The following CHRM3 variants were observed in gnomAD, a reference collection of about 807,000 sequenced individuals.
CHRM3 encodes the protein muscarinic acetylcholine receptor M3.
In CHRM3, 11 loss-of-function variants were observed where a neutral mutation model predicts 41.8. The observed-to-expected ratio is 0.26, with a 90% CI of 0.17 to 0.44. The LOEUF (loss-of-function observed/expected upper bound fraction) is 0.44, where lower values mean the gene tolerates loss of function less well. Among genes scored for constraint, CHRM3 ranks in the 20% least tolerant of loss-of-function variants. The pLI is 1.00. For synonymous variants in CHRM3, 297 were observed against 301.4 expected, an observed-to-expected ratio of 0.99 and a Z score of 0.15; for missense variants, 571 against 745.4, an observed-to-expected ratio of 0.77 and a Z score of 2.72.
At chr1:239,627,653 T>C (rs1055275817) in intron 3 of CHRM3, among the ~76,000 whole-genome samples, 2 of 145,152 alleles carry the variant, frequency 1.4e-5, no homozygotes, top group Non-Finnish European at 3.0e-5. Flanking sequence ...GTTGTTCCTT[T>C]CCATGTTTAG....
intron 5 of CHRM3, among the ~76,000 whole-genome samples, chr1:239,766,016 G>T (rs1192856161): frequency 3.3e-5 from 5 of 152,012 alleles, no homozygotes; most frequent in African/African-American, 1.2e-4. Context: ...GTTTCACCAT[G>T]TTGGCCAGGC....
At chr1:239,532,352 G>A (rs1305553219) in intron 2 of CHRM3, among the ~76,000 whole-genome samples, 1 of 148,284 alleles carries the variant, frequency 6.7e-6, no homozygotes, top group Non-Finnish European at 1.5e-5. Flanking sequence ...AGTTGGCCAG[G>A]CGCAGTGGCT....
At chr1:239,492,326 G>T (rs1021561637) in intron 1 of CHRM3, among the ~76,000 whole-genome samples, 1 of 152,122 alleles carries the variant, frequency 6.6e-6, no homozygotes, top group Admixed American at 6.6e-5. Context: ...ATAGTAGGTA[G>T]ATTTTGTAAG....
chr1:239,719,057 A>G (rs961126703), intron 5 of CHRM3: 1 of 152,148 alleles, frequency 6.6e-6, no homozygotes, highest in Middle Eastern at 3.4e-3. Flanking sequence ...ATAACACTCT[A>G]TAGATTAAAG....
At chr1:239,599,961 T>C (rs571452236) in intron 3 of CHRM3, among the ~76,000 whole-genome samples, 1 of 152,270 alleles carries the variant, frequency 6.6e-6, no homozygotes, top group African/African-American at 2.4e-5. Context: ...CACTTGACTG[T>C]GCCACCAACT....
intron 3 of CHRM3, among the ~76,000 whole-genome samples, chr1:239,585,259 A>C (rs1663294627): frequency 6.6e-6 from 1 of 151,986 alleles, no homozygotes; most frequent in African/African-American, 2.4e-5. Context: ...TGTGATTATA[A>C]GTTTTCTTAT....
rs1322084972 is a variant in CHRM3 at position 239,911,142 on chromosome 1, T to C, written c.*1918T>C. 1 of 166,882 alleles carries C rather than the reference T, an allele frequency of 6.0e-6. No individual in the cohort carries two copies. The highest frequency in any genetic ancestry group is 1.5e-5 in the Non-Finnish European group (1 of 68,108). 10.3% of individuals were successfully genotyped at this position (166,882 alleles called of 1,614,324 possible). A position where few individuals can be genotyped will look rare whatever the true frequency, so the allele number is the denominator to read the frequency against. On this transcript the variant is annotated 3_prime_UTR_variant, in exon 7 of 7. Transcript: ENST00000676153. Reference sequence around the variant, plus strand: ...CACCAAGCACCTAACTCTTTCTAGGTAATAAAAAGTCAACGGTCACTTCAA... The same window carrying C: ...CACCAAGCACCTAACTCTTTCTAGGCAATAAAAAGTCAACGGTCACTTCAA...
chr1:239,549,156 C>G (rs1484404349), intron 3 of CHRM3, among the ~76,000 whole-genome samples: 1 of 152,008 alleles, frequency 6.6e-6, no homozygotes, highest in Non-Finnish European at 1.5e-5. Flanking sequence ...AAAACCTGCC[C>G]CAATGATTCA....
chr1:239,842,988 T>G (rs1203388143), intron 6 of CHRM3, among the ~76,000 whole-genome samples: 1 of 152,120 alleles, frequency 6.6e-6, no homozygotes, highest in African/African-American at 2.4e-5. Flanking sequence ...TGTGATCATC[T>G]TGCTCTTCTC....
At chr1:239,396,679 A>C (rs1049051896) in intron 1 of CHRM3, among the ~76,000 whole-genome samples, 1 of 152,202 alleles carries the variant, frequency 6.6e-6, no homozygotes, top group African/African-American at 2.4e-5. Flanking sequence ...TCATACAAAA[A>C]TTCAAACATT....
chr1:239,453,988 T>A (rs190858869), intron 1 of CHRM3, among the ~76,000 whole-genome samples: 1 of 152,176 alleles, frequency 6.6e-6, no homozygotes, highest in Non-Finnish European at 1.5e-5. Context: ...TAGGAAAAAA[T>A]AAACTAACAG....
chr1:239,696,060 A>G (rs76269462), intron 5 of CHRM3, among the ~76,000 whole-genome samples: 1 of 152,324 alleles, frequency 6.6e-6, no homozygotes, highest in East Asian at 1.9e-4. Context: ...TACAGAGAAC[A>G]TGTAAGCCAG....
chr1:239,456,154 C>G (rs1664918501), intron 1 of CHRM3, among the ~76,000 whole-genome samples: 1 of 152,064 alleles, frequency 6.6e-6, no homozygotes, highest in African/African-American at 2.4e-5. Flanking sequence ...AGGTCCTTTC[C>G]TTGATAAAAC....
At chr1:239,417,344 G>C (rs1661570365) in intron 1 of CHRM3, among the ~76,000 whole-genome samples, 1 of 152,124 alleles carries the variant, frequency 6.6e-6, no homozygotes, top group Admixed American at 6.5e-5. Flanking sequence ...TTCTGAGCTT[G>C]TTCCATTTGG....
At position 239,903,465 on chromosome 1, in the gene CHRM3, C is replaced by A. The variant is rs146673613; in HGVS notation, c.-19-3968C>A. On this transcript the variant is annotated intron_variant, in intron 6 of 6. Transcript: ENST00000676153. ...CCCTGAATTCCACAGCACCAGTCAC[C>A]ATAATCTAAAGCTAGCAGTGGTTAA... 3.2e-3 allele frequency among the ~76,000 whole-genome samples: 494 copies of A among 152,242 alleles called. 4 individuals are homozygous for A. The highest frequency in any genetic ancestry group is 0.011 in the African/African-American group (475 of 41,532).
In CHRM3 at chr1:239,479,326, G is replaced by A. The variant is rs115254077; in HGVS notation, c.-520-13383G>A. 7.8e-4 allele frequency among the ~76,000 whole-genome samples: 119 copies of A among 151,796 alleles called. 1 individual carries two copies. The highest frequency in any genetic ancestry group is 6.8e-3 in the Middle Eastern group (2 of 294). On this transcript the variant is annotated intron_variant, in intron 1 of 6. Coordinates refer to ENST00000676153, the MANE Select transcript of CHRM3 (RefSeq NM_001375978.1). Reference sequence around the variant, plus strand: ...AAACCACACTGTATGCGTTATAGTCGAAATGCTATAACCAAAGATGAGAAG... The same window carrying A: ...AAACCACACTGTATGCGTTATAGTCAAAATGCTATAACCAAAGATGAGAAG...
chr1:239,480,053 T>C (rs904442214), intron 1 of CHRM3, among the ~76,000 whole-genome samples: 1 of 152,236 alleles, frequency 6.6e-6, no homozygotes, highest in African/African-American at 2.4e-5. Context: ...ATATATGCAA[T>C]CTGTAGTTGA....
intron 4 of CHRM3, among the ~76,000 whole-genome samples, chr1:239,655,377 A>G (rs2148986639): frequency 6.6e-6 from 1 of 152,328 alleles, no homozygotes; most frequent in African/African-American, 2.4e-5. Context: ...AATAGAACTC[A>G]AGGCTGCATC....
At chr1:239,846,323 A>T (rs1048120786) in intron 6 of CHRM3, among the ~76,000 whole-genome samples, 3 of 152,194 alleles carry the variant, frequency 2.0e-5, no homozygotes, top group Non-Finnish European at 2.9e-5. Context: ...TTGAACATAT[A>T]TCTAGTCATA....
Sources: gnomAD v4.1 joint callset for allele counts (sites outside exome capture counted in the v4.1 genomes callset) on GRCh38, gnomAD v4.1.1 for gene constraint, MANE v1.5 for transcripts, NCBI Gene and HGNC (gene_info 2026-07-23, HGNC 2026-07-21) for gene names.